The following MAPDA variants were observed in gnomAD, a reference collection of about 807,000 sequenced individuals.
MAPDA encodes N6,N6-dimethyl-AMP deaminase.
At chr15:43,350,631 T>G in the MAPDA span, among the ~76,000 whole-genome samples, 1 of 152,222 alleles carries the variant, frequency 6.6e-6, no homozygotes, top group Non-Finnish European at 1.5e-5. Context: ...TTGATAATTC[T>G]CTGCTTTTTT....
At chr15:43,351,776 C>T in the MAPDA span, 2 of 1,549,340 alleles carry the variant, frequency 1.3e-6, no homozygotes, top group African/African-American at 1.4e-5. Flanking sequence ...GTTTTTGCAA[C>T]ACACCTTTCT....
chr15:43,349,196 A>G, the MAPDA span: 17 of 1,437,538 alleles, frequency 1.2e-5, no homozygotes, highest in Non-Finnish European at 1.5e-5. Flanking sequence ...AGCCTTATTT[A>G]AAACAGAAAG....
the MAPDA span, chr15:43,349,200 C>G: frequency 7.0e-7 from 1 of 1,432,466 alleles, no homozygotes; most frequent in Non-Finnish European, 9.1e-7. Context: ...TTATTTAAAA[C>G]AGAAAGCTTT....
At chr15:43,346,072 G>T in the MAPDA span, 28 of 1,537,770 alleles carry the variant, frequency 1.8e-5, no homozygotes, top group Non-Finnish European at 2.5e-5. Context: ...GCATTCTCCA[G>T]AGTGTCCAAC....
the MAPDA span, chr15:43,350,963 C>T: frequency 1.3e-6 from 2 of 1,551,624 alleles, no homozygotes; most frequent in Non-Finnish European, 1.7e-6. Flanking sequence ...CCTCAAACGT[C>T]AAAAGTCAGA....
At chr15:43,353,434 TTCTG>T in the MAPDA span, 1 of 152,208 alleles carries the variant, frequency 6.6e-6, no homozygotes, top group Non-Finnish European at 1.5e-5. Context: ...CTGATAGGTT[TTCTG>T]TCTTTCTGTG....
At chr15:43,345,521 T>A in the MAPDA span, among the ~76,000 whole-genome samples, 1 of 151,960 alleles carries the variant, frequency 6.6e-6, no homozygotes, top group Admixed American at 6.6e-5. Flanking sequence ...GGTTGTAGAT[T>A]AAGAGAGGCT....
At chr15:43,350,459 G>A in the MAPDA span, among the ~76,000 whole-genome samples, 40,622 of 151,776 alleles carry the variant, frequency 0.27, 8,773 homozygotes, top group African/African-American at 0.59. Flanking sequence ...GGGTAAAAGC[G>A]TTTAGGGGTT....
At chr15:43,343,712 A>G in the MAPDA span, among the ~76,000 whole-genome samples, 1 of 152,050 alleles carries the variant, frequency 6.6e-6, no homozygotes, top group South Asian at 2.1e-4. Flanking sequence ...GTGTAAGTGT[A>G]GTGAAGCCAA....
At chr15:43,332,731 C>T in the MAPDA span, among the ~76,000 whole-genome samples, 4 of 152,050 alleles carry the variant, frequency 2.6e-5, no homozygotes, top group Admixed American at 6.6e-5. Flanking sequence ...TAAACAGTAA[C>T]AAATTTTTTT....
the MAPDA span, among the ~76,000 whole-genome samples, chr15:43,338,199 C>A: frequency 1.3e-5 from 2 of 152,146 alleles, no homozygotes; most frequent in East Asian, 3.8e-4. Flanking sequence ...TGCATTTGAC[C>A]TAGTGCTACT....
At chr15:43,330,423 T>C in the MAPDA span, 6 of 1,563,518 alleles carry the variant, frequency 3.8e-6, no homozygotes, top group Middle Eastern at 1.7e-4. Context: ...GAACGCTTGC[T>C]GAGGGCGCTG....
At chr15:43,334,530 A>G in the MAPDA span, among the ~76,000 whole-genome samples, 2 of 150,016 alleles carry the variant, frequency 1.3e-5, no homozygotes, top group Non-Finnish European at 3.0e-5. Flanking sequence ...TGGGAAGCTG[A>G]GGCAGGAGAA....
the MAPDA span, among the ~76,000 whole-genome samples, chr15:43,343,779 A>C: frequency 6.6e-6 from 1 of 151,982 alleles, no homozygotes; most frequent in Non-Finnish European, 1.5e-5. Flanking sequence ...AAGTAGGTAC[A>C]TAGTATGGGC....
the MAPDA span, among the ~76,000 whole-genome samples, chr15:43,343,779 A>G: frequency 1.3e-5 from 2 of 151,982 alleles, no homozygotes; most frequent in East Asian, 1.9e-4. Flanking sequence ...AAGTAGGTAC[A>G]TAGTATGGGC....
chr15:43,341,386 T>C, the MAPDA span, among the ~76,000 whole-genome samples: 4 of 152,172 alleles, frequency 2.6e-5, no homozygotes, highest in South Asian at 2.1e-4. Flanking sequence ...AACCTAAATA[T>C]GCAACAGTAG....
the MAPDA span, among the ~76,000 whole-genome samples, chr15:43,349,704 T>C: frequency 1.3e-5 from 2 of 152,268 alleles, no homozygotes; most frequent in African/African-American, 4.8e-5. Context: ...GGCTGCAAAC[T>C]ATTTTACAGA....
the MAPDA span, among the ~76,000 whole-genome samples, chr15:43,345,609 GA>G: frequency 6.6e-6 from 1 of 151,976 alleles, no homozygotes; most frequent in African/African-American, 2.4e-5. Context: ...ACAAATACAG[GA>G]ACAAAAAAAC....
chr15:43,351,662 A>G, the MAPDA span: 1 of 1,275,236 alleles, frequency 7.8e-7, no homozygotes, highest in African/African-American at 1.5e-5. Context: ...AAGCATAGTA[A>G]ATAGGAAAAT....
Sources: allele counts gnomAD v4.1 joint callset (sites outside exome capture counted in the v4.1 genomes callset), GRCh38; gene constraint gnomAD v4.1.1; transcripts MANE v1.5; gene names NCBI Gene and HGNC (gene_info 2026-07-23, HGNC 2026-07-21).